CNTNAP2: variants seen among roughly 807,000 people sequenced by gnomAD.
The protein encoded by CNTNAP2 is contactin-associated protein-like 2.
CNTNAP2 carries 98 observed loss-of-function variants against 155.2 expected under a neutral mutation model. The observed-to-expected ratio is 0.63, with a 90% CI of 0.54 to 0.75. The LOEUF (loss-of-function observed/expected upper bound fraction) is 0.75. Among genes scored for constraint, CNTNAP2 ranks in the 30% least tolerant of loss-of-function variants. The probability of loss-of-function intolerance (pLI) is 0.00; values close to 1 mark genes in which losing one functional copy is unlikely to be tolerated. For missense variants in CNTNAP2, 1,727 were observed against 1,688.1 expected (o/e 1.02, Z -0.40); for synonymous variants, 651 against 631.2 (o/e 1.03, Z -0.47).
chr7:147,775,283 AAATATATATATT>A (rs1797550896), intron 13 of CNTNAP2, among the ~76,000 whole-genome samples: 1 of 94,738 alleles, frequency 1.1e-5, no homozygotes, highest in East Asian at 2.6e-4. Flanking sequence ...ATATATTTAT[AAATATATATATT>A]TATATATATT....
intron 15 of CNTNAP2, among the ~76,000 whole-genome samples, chr7:148,088,463 A>G (rs1803777644): frequency 6.6e-6 from 1 of 151,968 alleles, no homozygotes; most frequent in Non-Finnish European, 1.5e-5. Context: ...CAAATAAATG[A>G]AACCAGAAAT....
intron 1 of CNTNAP2, among the ~76,000 whole-genome samples, chr7:146,149,879 G>GAA (rs377385260): frequency 7.2e-4 from 43 of 59,536 alleles, no homozygotes; most frequent in African/African-American, 1.6e-3. Flanking sequence ...TAGCCACAAA[G>GAA]AAAAAAAAAA....
chr7:148,314,412 G>T (rs1328200331), intron 21 of CNTNAP2, among the ~76,000 whole-genome samples: 1 of 152,192 alleles, frequency 6.6e-6, no homozygotes, highest in East Asian at 1.9e-4. Flanking sequence ...TTGTACTGGG[G>T]TCAAGCGGCA....
chr7:148,122,867 A>AAAAAAAAAAAAAAG (rs543029148), intron 16 of CNTNAP2, among the ~76,000 whole-genome samples: 4 of 150,724 alleles, frequency 2.7e-5, no homozygotes, highest in African/African-American at 9.9e-5. Flanking sequence ...AAAAAAAAAG[A>AAAAAAAAAAAAAAG]AAAAAAAAGA....
At chr7:147,900,648 G>T (rs1038419231) in intron 13 of CNTNAP2, among the ~76,000 whole-genome samples, 2 of 151,926 alleles carry the variant, frequency 1.3e-5, no homozygotes, top group South Asian at 2.1e-4. Flanking sequence ...ACAGAGTCTC[G>T]CTCTGTCTCC....
chr7:147,552,231 G>C (rs977705633), intron 11 of CNTNAP2, among the ~76,000 whole-genome samples: 1 of 151,788 alleles, frequency 6.6e-6, no homozygotes, highest in Non-Finnish European at 1.5e-5. Context: ...TTCTGCTATG[G>C]GAAACGGCCT....
chr7:147,351,040 C>A (rs1795959369), intron 9 of CNTNAP2, among the ~76,000 whole-genome samples: 1 of 151,544 alleles, frequency 6.6e-6, no homozygotes, highest in Admixed American at 6.6e-5. Flanking sequence ...TTACTTAAAC[C>A]AATGCTTTCA....
chr7:146,430,607 G>A (rs1042280968), intron 1 of CNTNAP2, among the ~76,000 whole-genome samples: 1 of 151,958 alleles, frequency 6.6e-6, no homozygotes, highest in African/African-American at 2.4e-5. Flanking sequence ...AGCATGGCCT[G>A]GCTGCACCTC....
At position 148,241,150 on chromosome 7, in the gene CNTNAP2, T is replaced by C. The variant is rs547404590; in HGVS notation, c.3381+11371T>C. Among the ~76,000 whole-genome samples, 6 of 152,364 alleles carry C rather than the reference T, an allele frequency of 3.9e-5. No homozygotes were observed. In the East Asian group the frequency reaches 1.2e-3, roughly 29 times the overall value. ...CTCTAGCAAGTTAATGAAATCTCTG[T>C]TGACTTAATTTCTAAAATTGGAGTA... On this transcript the variant is annotated intron_variant, in intron 20 of 23. Coordinates refer to ENST00000361727, the MANE Select transcript of CNTNAP2 (RefSeq NM_014141.6).
At chr7:147,822,601 C>G (rs1021329871) in intron 13 of CNTNAP2, among the ~76,000 whole-genome samples, 2 of 152,074 alleles carry the variant, frequency 1.3e-5, no homozygotes, top group African/African-American at 4.8e-5. Flanking sequence ...TCTCGTGTTC[C>G]TTTATCCACC....
At chr7:147,212,321 G>A (rs1803167520) in intron 8 of CNTNAP2, among the ~76,000 whole-genome samples, 1 of 152,080 alleles carries the variant, frequency 6.6e-6, no homozygotes, top group South Asian at 2.1e-4. Flanking sequence ...GTTCAAAATA[G>A]CAATGGCATG....
At chr7:147,165,195 C>A (rs911164918) in intron 8 of CNTNAP2, among the ~76,000 whole-genome samples, 4 of 151,986 alleles carry the variant, frequency 2.6e-5, no homozygotes, top group Non-Finnish European at 5.9e-5. Flanking sequence ...GCCATTCTTG[C>A]AGGAGTAAGG....
intron 22 of CNTNAP2, among the ~76,000 whole-genome samples, chr7:148,404,242 T>C (rs1713654312): frequency 6.6e-6 from 1 of 152,242 alleles, no homozygotes; most frequent in Admixed American, 6.5e-5. Flanking sequence ...TTAAGATTGG[T>C]CTCTGACTTG....
chr7:146,328,534 T>TGTGTGTGTGC (rs1801132810), intron 1 of CNTNAP2, among the ~76,000 whole-genome samples: 1 of 151,928 alleles, frequency 6.6e-6, no homozygotes, highest in African/African-American at 2.4e-5. Flanking sequence ...TGTGTGTGTG[T>TGTGTGTGTGC]GTGTGTGTGT....
intron 13 of CNTNAP2, among the ~76,000 whole-genome samples, chr7:147,640,502 G>A (rs967169952): frequency 1.3e-5 from 2 of 152,150 alleles, no homozygotes; most frequent in African/African-American, 2.4e-5. Flanking sequence ...TTAAAATCAT[G>A]TTAAGCAACT....
Position 147,453,421 on chromosome 7 carries a change from C to T in CNTNAP2, c.1671-32514C>T, listed in dbSNP as rs117594087. Among the ~76,000 whole-genome samples, 875 of 152,246 alleles carry T rather than the reference C, an allele frequency of 5.7e-3. 1 individual carries two copies. The highest frequency in any genetic ancestry group is 8.5e-3 in the South Asian group (41 of 4,824). On this transcript the variant is annotated intron_variant, in intron 10 of 23. Transcript: ENST00000361727. ...TTGCTGTAGTGATAGGTGGTCTCCC[C>T]ATTACGGTGTGATCTCCTTGAGTCA... is the stretch of plus-strand genomic sequence containing the variant.
chr7:148,333,189 A>G (rs924436763), intron 21 of CNTNAP2, among the ~76,000 whole-genome samples: 3 of 152,170 alleles, frequency 2.0e-5, no homozygotes, highest in African/African-American at 7.2e-5. Context: ...ACACTTTGGG[A>G]GGACAAGGTA....
chr7:147,026,287 T>G (rs1185518206), intron 3 of CNTNAP2, among the ~76,000 whole-genome samples: 1 of 152,206 alleles, frequency 6.6e-6, no homozygotes, highest in East Asian at 1.9e-4. Context: ...AAACATAGAT[T>G]GTATCTGAGG....
chr7:147,952,810 C>G (rs1208083105), intron 14 of CNTNAP2, among the ~76,000 whole-genome samples: 1 of 152,076 alleles, frequency 6.6e-6, no homozygotes, highest in Non-Finnish European at 1.5e-5. Flanking sequence ...CTAGTCTTTG[C>G]ATTTTAAAAA....
Sources: gnomAD v4.1 joint callset for allele counts (sites outside exome capture counted in the v4.1 genomes callset) on GRCh38, gnomAD v4.1.1 for gene constraint, MANE v1.5 for transcripts, NCBI Gene and HGNC (gene_info 2026-07-23, HGNC 2026-07-21) for gene names.